Variants in SLC44A1 observed in about 807,000 individuals in gnomAD.
SLC44A1 encodes solute carrier family 44 member 1, also known as choline transporter-like protein 1.
Under a neutral mutation model 79.3 loss-of-function variants are expected in SLC44A1, and 26 were observed. That is an observed-to-expected ratio of 0.33 (90% CI 0.24 to 0.46). The LOEUF (loss-of-function observed/expected upper bound fraction) is 0.46, where lower values mean the gene tolerates loss of function less well. Among genes scored for constraint, SLC44A1 ranks in the 20% least tolerant of loss-of-function variants. SLC44A1 has a pLI of 1.00. For synonymous variants in SLC44A1, 263 were observed against 286.2 expected (o/e 0.92, Z 0.82); for missense variants, 688 against 798.1 (o/e 0.86, Z 1.66).
At chr9:105,325,755 A>G (rs1225233302) in intron 3 of SLC44A1, among the ~76,000 whole-genome samples, 1 of 152,234 alleles carries the variant, frequency 6.6e-6, no homozygotes, top group Non-Finnish European at 1.5e-5. Context: ...TATTTATACC[A>G]TAACAGATGA....
At chr9:105,368,306 G>A (rs1444535574) in intron 12 of SLC44A1, among the ~76,000 whole-genome samples, 13 of 152,152 alleles carry the variant, frequency 8.5e-5, no homozygotes, top group Non-Finnish European at 1.9e-4. Flanking sequence ...AACATGTGAG[G>A]AAAGGCTTAG....
chr9:105,318,211 G>A (rs529099580), intron 3 of SLC44A1, among the ~76,000 whole-genome samples: 12 of 149,336 alleles, frequency 8.0e-5, no homozygotes, highest in African/African-American at 2.8e-4. Flanking sequence ...ATGGAGTCTC[G>A]CCCTGTCACC....
At position 105,269,136 on chromosome 9, in the gene SLC44A1, T is replaced by G. The variant is rs370828662; in HGVS notation, c.36+24232T>G. 2.0e-5 allele frequency among the ~76,000 whole-genome samples: 3 copies of G among 152,344 alleles called. No individual in the cohort carries two copies. The South Asian group carries it at 6.2e-4, about 32-fold the overall frequency. ...CTTTCCCAGGTTTCTATTATCTGAT[T>G]AATATTAATAAATTTATGTCTGCAT... On this transcript the variant is annotated intron_variant, in intron 1 of 15. Transcript: ENST00000374720.
At chr9:105,436,863 T>C (rs976880673) in intron 15 of SLC44A1, among the ~76,000 whole-genome samples, 7 of 152,176 alleles carry the variant, frequency 4.6e-5, no homozygotes, top group Non-Finnish European at 1.5e-5. Context: ...TAGTGCCACA[T>C]GTGACCTGTT....
chr9:105,360,912 G>T (rs376104054), intron 7 of SLC44A1, among the ~76,000 whole-genome samples: 1 of 152,104 alleles, frequency 6.6e-6, no homozygotes, highest in African/African-American at 2.4e-5. Context: ...GTTTCTACTG[G>T]CTCGCTCTTA....
chr9:105,249,498 A>G (rs1829530177), intron 1 of SLC44A1, among the ~76,000 whole-genome samples: 1 of 151,704 alleles, frequency 6.6e-6, no homozygotes, highest in Non-Finnish European at 1.5e-5. Context: ...GTTAATTTCG[A>G]AATTGGAAAA....
In SLC44A1 at chr9:105,374,731, G is replaced by A; in HGVS notation, c.1628G>A (p.Gly543Asp). ...GTAGGAGATTTTATGTTATTCCTTG[G>A]CAAGGTAAAACCAAGTATTTTTTCT... is the stretch of plus-strand genomic sequence containing the variant. ...NTVGDFMLFL[G>D]KVLIVCSTGL... The change falls in exon 13 of 16, where the codon GGC becomes GAC. Residue 543 changes from glycine to aspartate, a missense_variant. Transcript: ENST00000374720. 6.2e-7 allele frequency: 1 copy of A among 1,609,148 alleles called. No homozygotes were observed. Among genetic ancestry groups the A allele is most frequent in the African/African-American group, 1.3e-5 (1 of 74,894 alleles).
In SLC44A1 at chr9:105,394,147, G is replaced by A. The variant is rs1828824862; in HGVS notation, c.*5091G>A. 1 of 985,238 alleles carries A rather than the reference G, an allele frequency of 1.0e-6. No homozygotes were observed. The highest frequency in any genetic ancestry group is 1.2e-6 in the Non-Finnish European group (1 of 829,938). 61.0% of individuals were successfully genotyped at this position (985,238 alleles called of 1,614,324 possible). ...CAGCTTCCACCCCTGTACCCCCTCAGGGGCTAATGAACCCAAGTCAAAAGG... is the reference window on the plus strand; with the variant it reads ...CAGCTTCCACCCCTGTACCCCCTCAAGGGCTAATGAACCCAAGTCAAAAGG... On this transcript the variant is annotated 3_prime_UTR_variant, in exon 16 of 16. Transcript: ENST00000374720.
chr9:105,386,082 A>G, intron 15 of SLC44A1: 1 of 985,328 alleles, frequency 1.0e-6, no homozygotes, highest in Non-Finnish European at 1.2e-6. Flanking sequence ...ATTCCCACTC[A>G]GTAAGACAAT....
At chr9:105,275,277 C>A (rs1372254194) in intron 1 of SLC44A1, among the ~76,000 whole-genome samples, 4 of 152,162 alleles carry the variant, frequency 2.6e-5, no homozygotes, top group Admixed American at 2.6e-4. Flanking sequence ...TTAGCTCTTT[C>A]ATGGAAAATA....
chr9:105,361,411 A>G, intron 8 of SLC44A1, 81 bp downstream of exon 8: 1 of 1,328,636 alleles, frequency 7.5e-7, no homozygotes, highest in Non-Finnish European at 1.0e-6. Flanking sequence ...ACTCAAATCT[A>G]GCTTTTGCAT....
chr9:105,268,186 C>T lies in SLC44A1; in HGVS notation c.36+23282C>T, dbSNP rs529736721. Among the ~76,000 whole-genome samples, 4 of 152,240 alleles carry T rather than the reference C, an allele frequency of 2.6e-5. No individual in the cohort carries two copies. The East Asian group carries it at 7.7e-4, about 29-fold the overall frequency. On this transcript the variant is annotated intron_variant, in intron 1 of 15. Transcript: ENST00000374720. The stretch of plus-strand genomic sequence containing the variant: ...ATGCTCTCATGCAACCCAATGAATC[C>T]TTCATTTTTAGCCCCATTGTCATCT...
rs141707308 is a variant in SLC44A1, at chr9:105,257,224, G to A, written c.36+12320G>A. Among the ~76,000 whole-genome samples, 41 of 152,256 alleles carry A rather than the reference G, an allele frequency of 2.7e-4. No homozygotes were observed. In the East Asian group the frequency reaches 6.6e-3, roughly 24 times the overall value. On this transcript the variant is annotated intron_variant, in intron 1 of 15. Transcript: ENST00000374720. ...CGAGTCTCCTGCCTCAGCCTCCCAA[G>A]TAGCTGCGATTACAAGCATGTGCCA...
At chr9:105,297,733 G>T (rs1375094394) in intron 1 of SLC44A1, among the ~76,000 whole-genome samples, 1 of 152,098 alleles carries the variant, frequency 6.6e-6, no homozygotes. Flanking sequence ...GTTATCAAAG[G>T]ATACATAGTT....
At chr9:105,384,392 GC>G (rs1260464456) in intron 14 of SLC44A1, among the ~76,000 whole-genome samples, 1 of 152,030 alleles carries the variant, frequency 6.6e-6, no homozygotes, top group East Asian at 1.9e-4. Context: ...TGTTGGCCAG[GC>G]CGGTCTTGAA....
intron 15 of SLC44A1, among the ~76,000 whole-genome samples, chr9:105,415,536 G>T (rs1829156482): frequency 6.6e-6 from 1 of 152,178 alleles, no homozygotes; most frequent in African/African-American, 2.4e-5. Context: ...ATTTTGGGGT[G>T]GTCGTCCTTG....
At chr9:105,292,299 T>C (rs760262764) in intron 1 of SLC44A1, among the ~76,000 whole-genome samples, 19 of 152,202 alleles carry the variant, frequency 1.2e-4, no homozygotes, top group Non-Finnish European at 2.8e-4. Flanking sequence ...CATGAAAATA[T>C]TATTCCAGTA....
chr9:105,308,508 T>C (rs1831091333), intron 2 of SLC44A1, among the ~76,000 whole-genome samples: 1 of 152,224 alleles, frequency 6.6e-6, no homozygotes, highest in African/African-American at 2.4e-5. Context: ...GTAGCTATGT[T>C]CTCTATTCTT....
intron 13 of SLC44A1, among the ~76,000 whole-genome samples, chr9:105,381,915 A>G (rs1304423098): frequency 1.3e-5 from 2 of 152,230 alleles, no homozygotes; most frequent in Admixed American, 1.3e-4. Context: ...TCTGCCTATT[A>G]TTCTTAATGC....
Sources: gnomAD v4.1 joint callset for allele counts (sites outside exome capture counted in the v4.1 genomes callset) on GRCh38, gnomAD v4.1.1 for gene constraint, MANE v1.5 for transcripts, NCBI Gene and HGNC (gene_info 2026-07-23, HGNC 2026-07-21) for gene names.